CHRNG: variants seen among roughly 807,000 people sequenced by gnomAD.
CHRNG encodes acetylcholine receptor subunit gamma.
A neutral mutation model predicts 65.2 loss-of-function variants in CHRNG; 72 were observed. The ratio of observed to expected loss-of-function variants is 1.10; its 90% confidence interval spans 0.91 to 1.34. The LOEUF is 1.34. Among genes scored for constraint, CHRNG ranks in the 40% most tolerant of loss-of-function variants. The pLI is 0.00. For missense variants in CHRNG, 637 were observed against 680.1 expected, an observed-to-expected ratio of 0.94 and a Z score of 0.70; for synonymous variants, 284 against 290.2, an observed-to-expected ratio of 0.98 and a Z score of 0.22.
Position 232,547,379 on chromosome 2 carries a change from C to G in CHRNG, c.*1663C>G, listed in dbSNP as rs1235958905. Among the ~76,000 whole-genome samples, 2 of 152,092 alleles carry G rather than the reference C, an allele frequency of 1.3e-5. No homozygotes were observed. The highest frequency in any genetic ancestry group is 2.9e-5 in the Non-Finnish European group (2 of 68,030). ...GCTGCAGTGAGCTGTGATCATGTGACTGCACTCCAGCCTGATGACACAGTA... is the reference window on the plus strand; with the variant it reads ...GCTGCAGTGAGCTGTGATCATGTGAGTGCACTCCAGCCTGATGACACAGTA... On this transcript the variant is annotated 3_prime_UTR_variant, in exon 12 of 12. Transcript: ENST00000651502.
Position 232,540,327 on chromosome 2 carries a change from A to T in CHRNG, c.196-54A>T. The T allele has an allele frequency of 6.2e-7, 1 of 1,611,754 alleles. No individual in the cohort carries two copies. Among genetic ancestry groups the T allele is most frequent in the South Asian group, 1.1e-5 (1 of 91,018 alleles). On this transcript the variant is annotated intron_variant, in intron 2 of 11. Coordinates refer to ENST00000651502, the MANE Select transcript of CHRNG (RefSeq NM_005199.5). The surrounding 1 kb of genome is among the most constrained non-coding windows in gnomAD (Gnocchi z 4.2). ...TTGGCCCCATTGGTGGCCTGTGGGGACTGGCACTGAAGTCGGGGGCTGAGC... is the reference window on the plus strand; with the variant it reads ...TTGGCCCCATTGGTGGCCTGTGGGGTCTGGCACTGAAGTCGGGGGCTGAGC...
At position 232,547,023 on chromosome 2, in the gene CHRNG, C is replaced by A. The variant is rs1443783919; in HGVS notation, c.*1307C>A. ...CTGCTCTGAGATTACAGCCGGCACA[C>A]GAGTTTGGCTGGTAACCAGGGGACA... On this transcript the variant is annotated 3_prime_UTR_variant, in exon 12 of 12. Transcript: ENST00000651502. Among the ~76,000 whole-genome samples the A allele has an allele frequency of 3.9e-5, 6 of 152,200 alleles. No homozygotes were observed. Among genetic ancestry groups the A allele is most frequent in the Non-Finnish European group, 8.8e-5 (6 of 68,026 alleles).
At chr2:232,543,493 T>A in intron 8 of CHRNG, 92 bp from the exon 9 acceptor site, 2 of 1,168,958 alleles carry the variant, frequency 1.7e-6, no homozygotes, top group Non-Finnish European at 2.4e-6. Flanking sequence ...CCCCCCATCC[T>A]CAATTCAGGA....
chr2:232,539,860 G>C (rs1342073976), intron 1 of CHRNG, 58 bp downstream of exon 1: 13 of 1,611,604 alleles, frequency 8.1e-6, no homozygotes, highest in Non-Finnish European at 1.1e-5. Context: ...CACAGCCTCA[G>C]GGGATGGAGG....
chr2:232,539,950 C>A, intron 1 of CHRNG, 42 bp from the exon 2 acceptor site: 3 of 1,613,772 alleles, frequency 1.9e-6, no homozygotes, highest in Non-Finnish European at 2.5e-6. Context: ...CCCGCTCTTT[C>A]CACCTCCAAG....
At position 232,544,410 on chromosome 2, in the gene CHRNG, G is replaced by GC. The variant is rs1350028309; in HGVS notation, c.1082dup (p.Leu362AlafsTer36). On this transcript the variant is annotated frameshift_variant, in exon 10 of 12. Coordinates refer to ENST00000651502, the MANE Select transcript of CHRNG (RefSeq NM_005199.5). LOFTEE classifies it high-confidence loss of function. ...CCCCAGCTGCTGAGGATGCACGTTC[G>GC]CCCGCTGGCCCCGGCAGCTGTGCAG... 4 of 1,613,426 alleles carry GC rather than the reference G, an allele frequency of 2.5e-6. No individual in the cohort carries two copies. The highest frequency in any genetic ancestry group is 3.4e-6 in the Non-Finnish European group (4 of 1,179,968).
At chr2:232,543,990 A>G (rs190475375) in intron 9 of CHRNG, among the ~76,000 whole-genome samples, 1 of 152,364 alleles carries the variant, frequency 6.6e-6, no homozygotes, top group Non-Finnish European at 1.5e-5. Flanking sequence ...AAGGAAGTGC[A>G]CTACAAAGTC....
At position 232,540,480 on chromosome 2, in the gene CHRNG, A is replaced by C; in HGVS notation, c.240+55A>C. 2 of 1,607,916 alleles carry C rather than the reference A, an allele frequency of 1.2e-6. No homozygotes were observed. The highest frequency in any genetic ancestry group is 1.7e-6 in the Non-Finnish European group (2 of 1,177,140). ...ATCAGGGGTCCCACCCCACCACCCC[A>C]AGGCCTCCTGAGAGTTGCCTGCCCC... On this transcript the variant is annotated intron_variant, in intron 3 of 11. Coordinates refer to ENST00000651502, the MANE Select transcript of CHRNG (RefSeq NM_005199.5). This position sits in a 1 kb window ranked among gnomAD's most constrained non-coding sequence, Gnocchi z 4.2.
chr2:232,543,146 G>T (rs1433840647), intron 7 of CHRNG, 64 bp downstream of exon 7: 1 of 1,558,634 alleles, frequency 6.4e-7, no homozygotes, highest in African/African-American at 1.4e-5. Context: ...GGCCGGGGTG[G>T]GCCCTGCCTG....
In CHRNG at chr2:232,545,702, C is replaced by A; in HGVS notation, c.1540C>A (p.Pro514Thr). ...PFPGDPRPYL[P>T]SPD is the part of the protein sequence containing the mutation. ...CCCTGGAGATCCACGCCCCTACCTGCCCTCACCAGACTGAGCCAACCAACC... is the reference window on the plus strand; with the variant it reads ...CCCTGGAGATCCACGCCCCTACCTGACCTCACCAGACTGAGCCAACCAACC... Residue 514 changes from proline to threonine, a missense_variant, in exon 12 of 12, where the codon CCC (proline) becomes ACC (threonine). By Grantham distance (38) the Pro-to-Thr change is conservative (BLOSUM62 -1). Transcript: ENST00000651502. The A allele has an allele frequency of 6.2e-7, 1 of 1,614,174 alleles. No individual in the cohort carries two copies. Among genetic ancestry groups the A allele is most frequent in the East Asian group, 2.2e-5 (1 of 44,888 alleles).
chr2:232,541,075 C>T lies in CHRNG; in HGVS notation c.351-299C>T, dbSNP rs1258862526. On this transcript the variant is annotated intron_variant, in intron 4 of 11. Coordinates refer to ENST00000651502, the MANE Select transcript of CHRNG (RefSeq NM_005199.5). The surrounding 1 kb of genome is among the most constrained non-coding windows in gnomAD (Gnocchi z 4.0). ...GGGCTGGCACATGGTGTGGGCTTAA[C>T]ACATTAGTCGCTATTATGACTATTA... Among the ~76,000 whole-genome samples the T allele has an allele frequency of 6.6e-6, 1 of 151,432 alleles. No homozygotes were observed. The highest frequency in any genetic ancestry group is 1.5e-5 in the Non-Finnish European group (1 of 67,848).
intron 7 of CHRNG, 34 bp from the exon 8 acceptor site, chr2:232,543,241 G>T: frequency 1.3e-6 from 2 of 1,589,520 alleles, no homozygotes; most frequent in Non-Finnish European, 1.7e-6. Context: ...GGGGAGGTAG[G>T]AACCTGCTCT....
Position 232,540,800 on chromosome 2 carries a change from A to C in CHRNG, c.350+89A>C. The C allele has an allele frequency of 1.6e-6, 2 of 1,222,556 alleles. No individual in the cohort carries two copies. The highest frequency in any genetic ancestry group is 2.3e-6 in the Non-Finnish European group (2 of 858,016). 75.7% of individuals were successfully genotyped at this position (1,222,556 alleles called of 1,614,324 possible). A position where few individuals can be genotyped will look rare whatever the true frequency, so the allele number is the denominator to read the frequency against. On this transcript the variant is annotated intron_variant, in intron 4 of 11. Transcript: ENST00000651502. This position sits in a 1 kb window ranked among gnomAD's most constrained non-coding sequence, Gnocchi z 4.2. ...CAAGGCACTCTGGGAAAAGAGAAAG[A>C]TGAGCAGAGGGTGCAAATCGGGCAC... is the stretch of plus-strand genomic sequence containing the variant.
chr2:232,540,269 T>G lies in CHRNG; in HGVS notation c.196-112T>G. 8.8e-6 allele frequency: 14 copies of G among 1,597,812 alleles called. No individual in the cohort carries two copies. Among genetic ancestry groups the G allele is most frequent in the Non-Finnish European group, 1.2e-5 (14 of 1,165,816 alleles). On this transcript the variant is annotated intron_variant, in intron 2 of 11. Coordinates refer to ENST00000651502, the MANE Select transcript of CHRNG (RefSeq NM_005199.5). The surrounding 1 kb of genome is among the most constrained non-coding windows in gnomAD (Gnocchi z 4.2). The stretch of plus-strand genomic sequence containing the variant: ...GGGGTCTGGAAAACCCCCATGGTTG[T>G]GGGGGGAGTACTATCAAGAGGCTGG...
intron 9 of CHRNG, 84 bp from the exon 10 acceptor site, chr2:232,544,283 T>C: frequency 9.7e-7 from 1 of 1,027,130 alleles, no homozygotes; most frequent in South Asian, 1.3e-5. Flanking sequence ...CCATGGTCCC[T>C]AGCAGCACAA....
rs745758214 is a variant in CHRNG, at chr2:232,540,690, C to T, written c.329C>T (p.Pro110Leu). ...GTGCCGTCCACCATGGTGTGGCGGCCGGATATCGTGCTGGAGAACAAGTGA... is the reference window on the plus strand; with the variant it reads ...GTGCCGTCCACCATGGTGTGGCGGCTGGATATCGTGCTGGAGAACAAGTGA... Reference protein sequence around the residue: ...LRVPSTMVWRPDIVLENNVDG... With the variant: ...LRVPSTMVWRLDIVLENNVDG... Residue 110 changes from proline to leucine, a missense_variant, in exon 4 of 12, where the codon CCG (proline) becomes CTG (leucine). Pro to Leu is a moderately conservative substitution (Grantham distance 98). Transcript: ENST00000651502. The surrounding 1 kb of genome is among the most constrained non-coding windows in gnomAD (Gnocchi z 4.2). 13 of 1,611,470 alleles carry T rather than the reference C, an allele frequency of 8.1e-6. No homozygotes were observed. Among genetic ancestry groups the T allele is most frequent in the East Asian group, 4.5e-5 (2 of 44,842 alleles).
chr2:232,541,292 T>C lies in CHRNG; in HGVS notation c.351-82T>C. 7 of 1,534,384 alleles carry C rather than the reference T, an allele frequency of 4.6e-6. No individual in the cohort carries two copies. Among genetic ancestry groups the C allele is most frequent in the South Asian group, 1.1e-5 (1 of 89,268 alleles). On this transcript the variant is annotated intron_variant, in intron 4 of 11. Transcript: ENST00000651502. This position sits in a 1 kb window ranked among gnomAD's most constrained non-coding sequence, Gnocchi z 4.0. ...TGGTGTCCCCAGGCCCCTATCCACA[T>C]GGGGCACAGGGGCTGGTCTGGGGCT...
intron 6 of CHRNG, 96 bp downstream of exon 6, chr2:232,542,616 T>C (rs916939669): frequency 1.2e-5 from 10 of 853,158 alleles, no homozygotes; most frequent in Admixed American, 3.9e-5. Flanking sequence ...ATCCCTCCCA[T>C]GTAACTCAAA....
Position 232,540,813 on chromosome 2 carries a change from G to T in CHRNG, c.350+102G>T, listed in dbSNP as rs1691999992. On this transcript the variant is annotated intron_variant, in intron 4 of 11. Coordinates refer to ENST00000651502, the MANE Select transcript of CHRNG (RefSeq NM_005199.5). This position sits in a 1 kb window ranked among gnomAD's most constrained non-coding sequence, Gnocchi z 4.2. ...GAAAAGAGAAAGATGAGCAGAGGGT[G>T]CAAATCGGGCACCTGTGGGGCTAGG... 7 of 1,078,862 alleles carry T rather than the reference G, an allele frequency of 6.5e-6. No homozygotes were observed. Among genetic ancestry groups the T allele is most frequent in the Non-Finnish European group, 9.6e-6 (7 of 731,340 alleles). 66.8% of individuals were successfully genotyped at this position (1,078,862 alleles called of 1,614,324 possible).
Sources: allele counts gnomAD v4.1 joint callset (sites outside exome capture counted in the v4.1 genomes callset), GRCh38; gene constraint gnomAD v4.1.1; non-coding constraint Gnocchi (gnomAD v3.1); transcripts MANE v1.5; gene names NCBI Gene and HGNC (gene_info 2026-07-23, HGNC 2026-07-21).